Variants in UIMC1 observed in about 807,000 individuals in gnomAD.
UIMC1 encodes BRCA1-A complex subunit RAP80.
Under a neutral mutation model 84.9 loss-of-function variants are expected in UIMC1, and 42 were observed. The ratio of observed to expected loss-of-function variants is 0.49; its 90% confidence interval spans 0.39 to 0.64. The LOEUF (loss-of-function observed/expected upper bound fraction) is 0.64. Among genes scored for constraint, UIMC1 ranks in the 30% least tolerant of loss-of-function variants. UIMC1 has a pLI of 0.00. For missense variants in UIMC1, 825 were observed against 847.6 expected, an observed-to-expected ratio of 0.97 and a Z score of 0.33; for synonymous variants, 281 against 293.0, an observed-to-expected ratio of 0.96 and a Z score of 0.42.
At chr5:176,979,873 G>A (rs1318313924) in intron 2 of UIMC1, among the ~76,000 whole-genome samples, 1 of 152,138 alleles carries the variant, frequency 6.6e-6, no homozygotes, top group Non-Finnish European at 1.5e-5. Context: ...ATTATTTTCT[G>A]GTGTGTCTGT....
intron 1 of UIMC1, among the ~76,000 whole-genome samples, chr5:176,987,089 G>A (rs936768618): frequency 1.4e-4 from 22 of 151,842 alleles, no homozygotes; most frequent in Admixed American, 2.0e-4. Flanking sequence ...GCGTGGTGGC[G>A]GGCGCCTGTA....
At chr5:176,981,619 G>A (rs1389170267) in intron 2 of UIMC1, among the ~76,000 whole-genome samples, 1 of 151,704 alleles carries the variant, frequency 6.6e-6, no homozygotes, top group Non-Finnish European at 1.5e-5. Context: ...GCAACATGGC[G>A]AAACCCCATC....
rs776551824 is a variant in UIMC1 at position 176,968,900 on chromosome 5, A to G, written c.855T>C (p.Asp285=). 6.2e-6 allele frequency: 10 copies of G among 1,613,962 alleles called. No homozygotes were observed. The highest frequency in any genetic ancestry group is 7.6e-6 in the Non-Finnish European group (9 of 1,179,990). ...TGGTATACTGGTTAGGGTCTACTCC[A>G]TCAGGGCAGAATGGAATACCCCAGA... ...NYFWGIPFCP[D]GVDPNQYTKV... is the part of the protein sequence containing the mutation. Residue 285 remains aspartate (D), a synonymous_variant, in exon 6 of 15, where the codon GAT becomes GAC. Coordinates refer to ENST00000511320, the MANE Select transcript of UIMC1 (RefSeq NM_001199298.2).
upstream of UIMC1, among the ~76,000 whole-genome samples, chr5:177,009,336 T>C (rs757944359): frequency 1.1e-4 from 17 of 151,888 alleles, no homozygotes; most frequent in Non-Finnish European, 2.2e-4. This position sits in a 1 kb window ranked among gnomAD's most constrained non-coding sequence, Gnocchi z 4.3. Flanking sequence ...AGTTTTGGGG[T>C]AATTTGTTAT....
At chr5:176,911,784 C>A (rs1232442660) in intron 10 of UIMC1, among the ~76,000 whole-genome samples, 2 of 152,106 alleles carry the variant, frequency 1.3e-5, no homozygotes, top group South Asian at 4.1e-4. Context: ...GTAATGATAG[C>A]CATCCGAGTG....
At chr5:176,943,618 G>A (rs1448375235) in intron 9 of UIMC1, 130 bp from the exon 10 acceptor site, 1 of 1,183,506 alleles carries the variant, frequency 8.4e-7, no homozygotes, top group African/African-American at 1.5e-5. Context: ...AAATTCAGGA[G>A]TAAAGATTGA....
chr5:176,925,768 G>A (rs1031236496), intron 10 of UIMC1, among the ~76,000 whole-genome samples: 3 of 152,108 alleles, frequency 2.0e-5, no homozygotes, highest in South Asian at 4.1e-4. Flanking sequence ...TTAGGGGGAG[G>A]GGTGAAGAAG....
intron 1 of UIMC1, among the ~76,000 whole-genome samples, chr5:177,021,657 CTTT>C (rs745476437): frequency 2.1e-5 from 3 of 143,734 alleles, no homozygotes; most frequent in African/African-American, 2.5e-5. Flanking sequence ...AGGACTTTGG[CTTT>C]TTTTTTTTTT....
chr5:176,963,873 G>A (rs368385510), intron 6 of UIMC1, among the ~76,000 whole-genome samples: 15 of 151,652 alleles, frequency 9.9e-5, no homozygotes, highest in Non-Finnish European at 1.8e-4. Context: ...TCCAATATCC[G>A]GACTGAAAAA....
At chr5:176,970,684 A>G (rs994498998) in intron 4 of UIMC1, 58 bp downstream of exon 4, 2 of 1,612,456 alleles carry the variant, frequency 1.2e-6, no homozygotes, top group Non-Finnish European at 1.7e-6. Flanking sequence ...ACAACACCAC[A>G]GAAGTCAAAA....
chr5:177,021,950 C>A (rs980041020), intron 1 of UIMC1, among the ~76,000 whole-genome samples: 1 of 152,126 alleles, frequency 6.6e-6, no homozygotes, highest in Non-Finnish European at 1.5e-5. Flanking sequence ...CCGCGCCTGG[C>A]CGGACTTTGG....
rs62398668 is a variant in UIMC1 at position 176,955,176 on chromosome 5, G to A, written c.1339+783C>T. ...ACAATGATTCAGGAGTTTCTTAGAT[G>A]GTAAGTATCTTAGTTCATTTTACAT... On this transcript the variant is annotated intron_variant, in intron 8 of 14. Transcript: ENST00000511320. Among the ~76,000 whole-genome samples, 696 of 152,168 alleles carry A rather than the reference G, an allele frequency of 4.6e-3. 5 individuals carry two copies. The highest frequency in any genetic ancestry group is 0.024 in the Middle Eastern group (7 of 294).
intron 1 of UIMC1, chr5:177,001,279 T>C (rs1755381465): frequency 1.3e-5 from 2 of 152,232 alleles, no homozygotes; most frequent in South Asian, 2.1e-4. Context: ...TTTTCCCCAG[T>C]GTATGTTCTT....
At chr5:176,905,588 T>C in intron 14 of UIMC1, 96 bp from the exon 15 acceptor site, 1 of 1,110,778 alleles carries the variant, frequency 9.0e-7, no homozygotes, top group African/African-American at 1.6e-5. Context: ...TATCAGGGGA[T>C]TATTAGTACA....
intron 1 of UIMC1, among the ~76,000 whole-genome samples, chr5:177,004,342 C>T (rs1238453167): frequency 2.0e-5 from 3 of 152,238 alleles, no homozygotes; most frequent in Non-Finnish European, 2.9e-5. Flanking sequence ...GATTTAGCCA[C>T]ATTAAATTAC....
intron 10 of UIMC1, among the ~76,000 whole-genome samples, chr5:176,925,030 C>CAAA (rs749987567): frequency 1.9e-5 from 1 of 52,982 alleles, no homozygotes; most frequent in Non-Finnish European, 4.0e-5. Context: ...GACTCTGCCT[C>CAAA]AAAAAAAAAA....
At chr5:176,925,269 C>T (rs945630346) in intron 10 of UIMC1, among the ~76,000 whole-genome samples, 3 of 152,038 alleles carry the variant, frequency 2.0e-5, no homozygotes, top group Admixed American at 2.0e-4. Context: ...CATTAGCCAT[C>T]AGGGAATGCA....
chr5:177,014,031 A>T (rs1323177045), intron 1 of UIMC1, among the ~76,000 whole-genome samples: 2 of 149,114 alleles, frequency 1.3e-5, no homozygotes, highest in African/African-American at 2.5e-5. Context: ...AACAGTTTAG[A>T]CTCAGTGAGC....
Position 176,991,630 on chromosome 5 carries a change from C to CAAAAA in UIMC1, c.-8-9012_-8-9008dup, listed in dbSNP as rs57753076. On this transcript the variant is annotated intron_variant, in intron 1 of 14. Transcript: ENST00000511320. The stretch of plus-strand genomic sequence containing the variant: ...GGGCAACAAGAGTGAAACTCCGTCT[C>CAAAAA]AAAAAAAAAAAAAAAAAAAAGGCCA... 3.8e-5 allele frequency among the ~76,000 whole-genome samples: 3 copies of CAAAAA among 78,828 alleles called. No individual in the cohort carries two copies. The Admixed American group carries it at 4.4e-4, about 11-fold the overall frequency. The allele number at this position is 78,828 out of a possible 152,430, so 51.7% of individuals were successfully genotyped here.
Sources: allele counts gnomAD v4.1 joint callset (sites outside exome capture counted in the v4.1 genomes callset), GRCh38; gene constraint gnomAD v4.1.1; non-coding constraint Gnocchi (gnomAD v3.1); transcripts MANE v1.5; gene names NCBI Gene and HGNC (gene_info 2026-07-23, HGNC 2026-07-21).